SCAF8: variants seen among roughly 807,000 people sequenced by gnomAD.
SCAF8 encodes SR-related CTD associated factor 8.
In SCAF8, 23 loss-of-function variants were observed where a neutral mutation model predicts 140.5. The observed-to-expected ratio is 0.16, with a 90% CI of 0.12 to 0.23. SCAF8 has a LOEUF of 0.23. SCAF8 is among the 10% of genes least tolerant of loss of function. The pLI, the probability that SCAF8 is intolerant of heterozygous loss-of-function variation, is 1.00. For missense variants in SCAF8, 1,397 were observed against 1,555.7 expected (o/e 0.90, Z 1.72); for synonymous variants, 575 against 528.9 (o/e 1.09, Z -1.20).
rs757144872 is a variant in SCAF8, at chr6:154,827,277, G to A, written c.2140+37G>A. On this transcript the variant is annotated intron_variant, in intron 18 of 19. Coordinates refer to ENST00000367178, the MANE Select transcript of SCAF8 (RefSeq NM_014892.5). ...ACTTTTAGAGTTTTCTTTATTCATG[G>A]TAGTGTTAATTTTAGTGTGTCAGTT... 15 of 1,416,812 alleles carry A rather than the reference G, an allele frequency of 1.1e-5. No homozygotes were observed. The Admixed American group carries it at 1.3e-4, about 12-fold the overall frequency. The allele number at this position is 1,416,812 out of a possible 1,614,324, so 87.8% of individuals were successfully genotyped here.
At chr6:154,805,262 G>A in intron 8 of SCAF8, 107 bp from the exon 9 acceptor site, 2 of 611,324 alleles carry the variant, frequency 3.3e-6, no homozygotes, top group Non-Finnish European at 5.9e-6. Context: ...ACATGCAGTA[G>A]AATATGTTTT....
chr6:154,834,080 T>C lies in SCAF8; in HGVS notation c.*685T>C, dbSNP rs1778828050. 6.6e-6 allele frequency: 1 copy of C among 152,190 alleles called. No homozygotes were observed. Among genetic ancestry groups the C allele is most frequent in the South Asian group, 2.1e-4 (1 of 4,834 alleles). 9.4% of individuals were successfully genotyped at this position (152,190 alleles called of 1,614,324 possible). On this transcript the variant is annotated 3_prime_UTR_variant, in exon 20 of 20. Coordinates refer to ENST00000367178, the MANE Select transcript of SCAF8 (RefSeq NM_014892.5). ...TGATAACAGTGTTCTAGGAATTGTATTTTTTTAACCTATAAATTCTTAAAA... is the reference window on the plus strand; with the variant it reads ...TGATAACAGTGTTCTAGGAATTGTACTTTTTTAACCTATAAATTCTTAAAA...
chr6:154,767,520 TTC>T (rs1776613546), intron 1 of SCAF8, among the ~76,000 whole-genome samples: 1 of 140,366 alleles, frequency 7.1e-6, no homozygotes, highest in Non-Finnish European at 1.5e-5. Flanking sequence ...AAGCTGCTGC[TTC>T]TGTTATCTTT....
chr6:154,784,784 C>T (rs148500896), intron 3 of SCAF8, among the ~76,000 whole-genome samples: 103 of 152,260 alleles, frequency 6.8e-4, no homozygotes, highest in African/African-American at 2.2e-3. Flanking sequence ...AACGAATCCC[C>T]CAAGGCTACT....
intron 6 of SCAF8, 65 bp from the exon 7 acceptor site, chr6:154,801,906 T>C: frequency 2.7e-6 from 3 of 1,112,250 alleles, no homozygotes; most frequent in Non-Finnish European, 3.9e-6. Flanking sequence ...CTAAAAGTTT[T>C]AGGTGGCCAC....
intron 1 of SCAF8, among the ~76,000 whole-genome samples, chr6:154,763,567 C>G (rs1298011960): frequency 6.6e-6 from 1 of 152,030 alleles, no homozygotes; most frequent in Non-Finnish European, 1.5e-5. Context: ...TTTCATATTG[C>G]TGAAATTGGG....
At position 154,813,809 on chromosome 6, in the gene SCAF8, A is replaced by G. The variant is rs183053334; in HGVS notation, c.1421-1907A>G. On this transcript the variant is annotated intron_variant, in intron 12 of 19. Transcript: ENST00000367178. Reference sequence around the variant, plus strand: ...GTTGAAGAGAAAAGGTGATGTGATAATGAAAGGAGAGAGAATTTGGGAAAT... The same window carrying G: ...GTTGAAGAGAAAAGGTGATGTGATAGTGAAAGGAGAGAGAATTTGGGAAAT... 9.9e-5 allele frequency among the ~76,000 whole-genome samples: 15 copies of G among 152,232 alleles called. No homozygotes were observed. The East Asian group carries it at 2.9e-3, about 29-fold the overall frequency.
rs1318577492 is a variant in SCAF8 at position 154,832,795 on chromosome 6, G to A, written c.3216G>A (p.Val1072=). 1.9e-6 allele frequency: 3 copies of A among 1,613,972 alleles called. No individual in the cohort carries two copies. The South Asian group carries it at 3.3e-5, about 18-fold the overall frequency. The change falls in exon 20 of 20, where the codon GTG becomes GTA. Residue 1072 remains valine (V), a synonymous_variant. Coordinates refer to ENST00000367178, the MANE Select transcript of SCAF8 (RefSeq NM_014892.5). ...RPPVDIRENL[V]RPGIDHLGRR... ...CTGTAGATATAAGAGAGAATCTTGTGAGGCCAGGTATAGATCATCTTGGTC... is the reference window on the plus strand; with the variant it reads ...CTGTAGATATAAGAGAGAATCTTGTAAGGCCAGGTATAGATCATCTTGGTC...
chr6:154,823,714 G>A lies in SCAF8; in HGVS notation c.1927-520G>A, dbSNP rs144866726. ...TGTTGTTAGGTAGAAGTATCTTTCT[G>A]TCAGCACAATTGGGATGTTGAATAG... On this transcript the variant is annotated intron_variant, in intron 16 of 19. Transcript: ENST00000367178. Among the ~76,000 whole-genome samples, 14 of 152,332 alleles carry A rather than the reference G, an allele frequency of 9.2e-5. No individual in the cohort carries two copies. The East Asian group carries it at 2.7e-3, about 29-fold the overall frequency.
At position 154,834,170 on chromosome 6, in the gene SCAF8, T is replaced by G. The variant is rs1204237444; in HGVS notation, c.*775T>G. ...GCTTTCTATCATAACAACAATGAAC[T>G]ATGTGGTGGAAAAAGCATGTACTTT... On this transcript the variant is annotated 3_prime_UTR_variant, in exon 20 of 20. Coordinates refer to ENST00000367178, the MANE Select transcript of SCAF8 (RefSeq NM_014892.5). 1 of 152,188 alleles carries G rather than the reference T, an allele frequency of 6.6e-6. No individual in the cohort carries two copies. The highest frequency in any genetic ancestry group is 2.4e-5 in the African/African-American group (1 of 41,452). 9.4% of individuals were successfully genotyped at this position (152,188 alleles called of 1,614,324 possible).
At position 154,832,700 on chromosome 6, in the gene SCAF8, C is replaced by T. The variant is rs567152745; in HGVS notation, c.3121C>T (p.Arg1041Trp). Reference protein sequence around the residue: ...PPVDVRDVVGRPIDPREGPGR... With the variant: ...PPVDVRDVVGWPIDPREGPGR... ...TGTGGATGTTAGAGATGTGGTTGGG[C>T]GGCCTATAGATCCAAGAGAAGGTCC... The change falls in exon 20 of 20, where the codon CGG becomes TGG. Residue 1041 changes from arginine (R) to tryptophan (W), a missense_variant. Physicochemically the swap from Arg to Trp is moderately radical, Grantham distance 101. Around this residue, in one of 5 missense-constraint regions of SCAF8, gnomAD observed 930 missense variants for 874.6 expected, o/e 1.06. Coordinates refer to ENST00000367178, the MANE Select transcript of SCAF8 (RefSeq NM_014892.5). The T allele has an allele frequency of 6.8e-6, 11 of 1,613,788 alleles. No individual in the cohort carries two copies. The highest frequency in any genetic ancestry group is 2.7e-5 in the African/African-American group (2 of 74,960).
chr6:154,751,927 C>CCAA (rs1389421131), intron 1 of SCAF8, among the ~76,000 whole-genome samples: 1 of 152,124 alleles, frequency 6.6e-6, no homozygotes, highest in Admixed American at 6.6e-5. Context: ...ACCCACTTGG[C>CCAA]CAACAGTTCT....
At chr6:154,761,337 T>TA (rs1444028867) in intron 1 of SCAF8, among the ~76,000 whole-genome samples, 4 of 152,076 alleles carry the variant, frequency 2.6e-5, no homozygotes, top group Non-Finnish European at 4.4e-5. Flanking sequence ...AATACAAAAA[T>TA]TTGCTGGGCA....
At chr6:154,775,422 T>C (rs1340703917) in intron 2 of SCAF8, among the ~76,000 whole-genome samples, 8 of 152,248 alleles carry the variant, frequency 5.3e-5, no homozygotes, top group African/African-American at 1.7e-4. Flanking sequence ...TATTTTTTTC[T>C]GTGAAAATTA....
intron 15 of SCAF8, among the ~76,000 whole-genome samples, chr6:154,821,163 GA>G (rs1412846761): frequency 6.6e-6 from 1 of 152,160 alleles, no homozygotes; most frequent in Non-Finnish European, 1.5e-5. Context: ...TTATGGCAGT[GA>G]GACAAATAGA....
Position 154,753,158 on chromosome 6 carries a change from G to C in SCAF8, c.30+19228G>C, listed in dbSNP as rs112850775. 5.7e-3 allele frequency among the ~76,000 whole-genome samples: 861 copies of C among 151,944 alleles called. 13 individuals carry two copies. Among genetic ancestry groups the C allele is most frequent in the African/African-American group, 0.02 (817 of 41,432 alleles). Reference sequence around the variant, plus strand: ...AGCCTGGCCAACATGATGAAACCCTGTCTCTAGTAAAAATACAAAAATTAA... The same window carrying C: ...AGCCTGGCCAACATGATGAAACCCTCTCTCTAGTAAAAATACAAAAATTAA... On this transcript the variant is annotated intron_variant, in intron 1 of 19. Transcript: ENST00000367178.
At chr6:154,750,233 T>TAA (rs1778805410) in intron 1 of SCAF8, among the ~76,000 whole-genome samples, 3 of 152,154 alleles carry the variant, frequency 2.0e-5, no homozygotes, top group African/African-American at 7.2e-5. Flanking sequence ...TGGTTACTGT[T>TAA]TTGTTAAGTA....
chr6:154,784,023 T>C (rs1387321231), intron 3 of SCAF8, among the ~76,000 whole-genome samples: 3 of 151,376 alleles, frequency 2.0e-5, no homozygotes, highest in Admixed American at 6.6e-5. Flanking sequence ...GCCGAGATCA[T>C]GCCACTGCAC....
intron 1 of SCAF8, among the ~76,000 whole-genome samples, chr6:154,751,377 C>T (rs1778833655): frequency 1.3e-5 from 2 of 152,032 alleles, no homozygotes; most frequent in African/African-American, 2.4e-5. Flanking sequence ...TACAGGCATG[C>T]GCCACCCTGC....
Sources: allele counts gnomAD v4.1 joint callset (sites outside exome capture counted in the v4.1 genomes callset), GRCh38; gene constraint gnomAD v4.1.1; regional missense constraint gnomAD v4.1.1; transcripts MANE v1.5; gene names NCBI Gene and HGNC (gene_info 2026-07-23, HGNC 2026-07-21).